The following SYNE1 variants were observed in gnomAD, a reference collection of about 807,000 sequenced individuals.
SYNE1 encodes the protein nesprin-1.
Under a neutral mutation model 1,111.0 loss-of-function variants are expected in SYNE1, and 616 were observed. That is an observed-to-expected ratio of 0.55 (90% confidence interval 0.52 to 0.59). SYNE1 has a LOEUF of 0.59. SYNE1 is among the 20% of genes least tolerant of loss of function. The pLI is 0.00. For missense variants in SYNE1, 10,006 were observed against 10,417.0 expected (o/e 0.96, Z 1.72); for synonymous variants, 3,855 against 3,825.8 (o/e 1.01, Z -0.28).
At chr6:152,142,024 G>C (rs1432123368) in intron 138 of SYNE1, among the ~76,000 whole-genome samples, 1 of 151,932 alleles carries the variant, frequency 6.6e-6, no homozygotes, top group African/African-American at 2.4e-5. Flanking sequence ...AGCGAGCTAA[G>C]ACCATGACAC....
chr6:152,236,414 A>C (rs1247730669), intron 109 of SYNE1, 111 bp from the exon 110 acceptor site: 7 of 792,018 alleles, frequency 8.8e-6, no homozygotes, highest in African/African-American at 1.7e-5. Flanking sequence ...TTCAAACTTA[A>C]ACTATACTCA....
intron 127 of SYNE1, among the ~76,000 whole-genome samples, chr6:152,194,882 T>C (rs925928804): frequency 6.6e-6 from 1 of 152,200 alleles, no homozygotes; most frequent in Non-Finnish European, 1.5e-5. Flanking sequence ...TTATCTGATA[T>C]GATTCTGAAT....
At chr6:152,519,587 T>C (rs2099129020) in intron 6 of SYNE1, among the ~76,000 whole-genome samples, 1 of 152,190 alleles carries the variant, frequency 6.6e-6, no homozygotes, top group South Asian at 2.1e-4. Flanking sequence ...AGGACATCTT[T>C]TTCTTACAGA....
intron 41 of SYNE1, among the ~76,000 whole-genome samples, chr6:152,413,827 A>C (rs2098110441): frequency 6.6e-6 from 1 of 152,134 alleles, no homozygotes; most frequent in Admixed American, 6.5e-5. Context: ...GATTTTCAAA[A>C]CTAAGGCTGA....
At chr6:152,322,370 G>T (rs1020847967) in intron 82 of SYNE1, among the ~76,000 whole-genome samples, 5 of 137,376 alleles carry the variant, frequency 3.6e-5, no homozygotes, top group African/African-American at 1.4e-4. Flanking sequence ...AAAAGTGTTA[G>T]GTTACCTTGA....
chr6:152,604,765 C>G (rs1450744233), intron 3 of SYNE1, among the ~76,000 whole-genome samples: 1 of 150,978 alleles, frequency 6.6e-6, no homozygotes, highest in Non-Finnish European at 1.5e-5. Context: ...CATAGTGAGG[C>G]CCCCTTCCCA....
rs757814345 is a variant in SYNE1 at position 152,376,534 on chromosome 6, GC to G, written c.9170del (p.Gly3057AlafsTer41). 2 of 1,613,998 alleles carry G rather than the reference GC, an allele frequency of 1.2e-6. No individual in the cohort carries two copies. Among genetic ancestry groups the G allele is most frequent in the Non-Finnish European group, 1.7e-6 (2 of 1,180,016 alleles). ...GTAAAATCTGTTCTTTATTCTGGCAGCCCTTGGATGCTTGCAAACAAAGACT... is the reference window on the plus strand; with the variant it reads ...GTAAAATCTGTTCTTTATTCTGGCAGCCTTGGATGCTTGCAAACAAAGACT... Reference protein sequence around the residue: ...YNCLCLQASKGCQNKEQILQQ... With the variant: ...YNCLCLQASKXCQNKEQILQQ... On this transcript the variant is annotated frameshift_variant, in exon 58 of 146. Transcript: ENST00000367255. LOFTEE classifies it high-confidence loss of function.
intron 3 of SYNE1, among the ~76,000 whole-genome samples, chr6:152,590,708 T>A (rs1238579716): frequency 6.6e-6 from 1 of 152,158 alleles, no homozygotes; most frequent in Non-Finnish European, 1.5e-5. Flanking sequence ...CAATTTACCT[T>A]AAGGTTTCCC....
chr6:152,385,536 G>T, intron 55 of SYNE1, 138 bp downstream of exon 55: 1 of 887,624 alleles, frequency 1.1e-6, no homozygotes, highest in Non-Finnish European at 1.8e-6. Flanking sequence ...TCTTGTTTAT[G>T]TGTAGAATCA....
chr6:152,158,043 C>A (rs1420080791), intron 131 of SYNE1, among the ~76,000 whole-genome samples: 1 of 152,166 alleles, frequency 6.6e-6, no homozygotes, highest in African/African-American at 2.4e-5. Flanking sequence ...AGGTGTGAGC[C>A]ACTGCGCCTG....
In SYNE1 at chr6:152,221,028, T is replaced by C; in HGVS notation, c.21675A>G (p.Glu7225=). Residue 7225 remains glutamate, a synonymous_variant, in exon 119 of 146, where the codon GAA becomes GAG. Coordinates refer to ENST00000367255, the MANE Select transcript of SYNE1 (RefSeq NM_182961.4). The part of the protein sequence containing the change: ...EVNMRWNNLL[E]EIAEQLQSSK... The stretch of plus-strand genomic sequence containing the variant: ...TGGACTGTAGCTGCTCAGCAATCTC[T>C]TCCAGCAAGTTATTCCATCTGGAAA... 1.2e-6 allele frequency: 2 copies of C among 1,613,956 alleles called. No homozygotes were observed. The highest frequency in any genetic ancestry group is 1.7e-4 in the Middle Eastern group (1 of 6,058).
At position 152,331,434 on chromosome 6, in the gene SYNE1, G is replaced by C. The variant is rs780827644; in HGVS notation, c.13251C>G (p.Leu4417=). The change falls in exon 78 of 146, where the codon CTC becomes CTG. Residue 4417 remains leucine (L), a synonymous_variant. Transcript: ENST00000367255. ...CCTTCTGGATGACCTGTCGCTCATT[G>C]AGACCAAGATCTGCCATGACCCTGT... The part of the protein sequence containing the change: ...DADRVMADLG[L]NERQVIQKAL... 1.9e-6 allele frequency: 3 copies of C among 1,614,146 alleles called. No homozygotes were observed. The highest frequency in any genetic ancestry group is 2.5e-6 in the Non-Finnish European group (3 of 1,180,034).
intron 123 of SYNE1, among the ~76,000 whole-genome samples, chr6:152,212,694 G>GT (rs1467926245): frequency 6.6e-6 from 1 of 152,074 alleles, no homozygotes; most frequent in Non-Finnish European, 1.5e-5. Flanking sequence ...ACTCTATATG[G>GT]TAACTCTATG....
chr6:152,447,987 G>T (rs1295983839), intron 28 of SYNE1, among the ~76,000 whole-genome samples: 1 of 152,176 alleles, frequency 6.6e-6, no homozygotes, highest in Non-Finnish European at 1.5e-5. Context: ...GAGCTGGAAA[G>T]AAGATGATAT....
chr6:152,141,100 G>C, intron 139 of SYNE1, 103 bp downstream of exon 139: 3 of 1,474,976 alleles, frequency 2.0e-6, no homozygotes, highest in Non-Finnish European at 2.8e-6. Context: ...AGGATAGAAC[G>C]GTGTAGAAGA....
chr6:152,289,629 T>C (rs895503751), intron 95 of SYNE1, among the ~76,000 whole-genome samples: 2 of 152,100 alleles, frequency 1.3e-5, no homozygotes, highest in Admixed American at 1.3e-4. Context: ...TTTATTTATT[T>C]ATTTATTTAT....
chr6:152,318,496 C>T (rs571351011), intron 85 of SYNE1, among the ~76,000 whole-genome samples: 91 of 152,258 alleles, frequency 6.0e-4, no homozygotes, highest in Non-Finnish European at 9.0e-4. Flanking sequence ...CATTTTCCTT[C>T]TGCCCCACCC....
At chr6:152,375,933 A>G (rs1270813838) in intron 58 of SYNE1, 1 of 156,592 alleles carries the variant, frequency 6.4e-6, no homozygotes, top group African/African-American at 2.4e-5. Flanking sequence ...TTCTTACGCA[A>G]AACTTTTATA....
At chr6:152,401,436 C>T in intron 46 of SYNE1, 95 bp from the exon 47 acceptor site, 1 of 1,244,714 alleles carries the variant, frequency 8.0e-7, no homozygotes, top group Non-Finnish European at 1.2e-6. Context: ...ATTGTCAAAG[C>T]CACACAAGTC....
Sources: allele counts gnomAD v4.1 joint callset (sites outside exome capture counted in the v4.1 genomes callset), GRCh38; gene constraint gnomAD v4.1.1; transcripts MANE v1.5; gene names NCBI Gene and HGNC (gene_info 2026-07-23, HGNC 2026-07-21).